Variants in NXPE2 observed in about 807,000 individuals in gnomAD.
NXPE2 encodes the protein NXPE family member 2.
NXPE2 carries 34 observed loss-of-function variants against 34.4 expected under a neutral mutation model. That is an observed-to-expected ratio of 0.99 (90% CI 0.75 to 1.31). The LOEUF (loss-of-function observed/expected upper bound fraction) is 1.31, where lower values mean the gene tolerates loss of function less well. NXPE2 is among the 40% of genes most tolerant of loss of function. The probability of loss-of-function intolerance (pLI) is 0.00; values close to 1 mark genes in which losing one functional copy is unlikely to be tolerated. For missense variants in NXPE2, 649 were observed against 672.5 expected (o/e 0.97, Z 0.39); for synonymous variants, 235 against 231.3 (o/e 1.02, Z -0.15).
chr11:114,615,569 C>G, the NXPE2 span, among the ~76,000 whole-genome samples: 1 of 150,730 alleles, frequency 6.6e-6, no homozygotes, highest in Admixed American at 6.6e-5. Flanking sequence ...TCGTGGGTAA[C>G]CACCTTTACC....
the NXPE2 span, among the ~76,000 whole-genome samples, chr11:114,609,499 T>C: frequency 2.6e-5 from 4 of 150,980 alleles, no homozygotes; most frequent in African/African-American, 9.7e-5. Flanking sequence ...CATTGTTACC[T>C]GGTGGATAAT....
At chr11:114,801,759 A>G in the NXPE2 span, among the ~76,000 whole-genome samples, 461 of 152,282 alleles carry the variant, frequency 3.0e-3, 16 homozygotes, top group Admixed American at 0.029. Context: ...GAGGTGCAAA[A>G]TAGGGACGAG....
the NXPE2 span, among the ~76,000 whole-genome samples, chr11:114,572,614 A>T: frequency 2.2e-3 from 341 of 152,304 alleles, 4 homozygotes; most frequent in African/African-American, 8.0e-3. Context: ...CAGAAAAAAG[A>T]ACCTCAGAGC....
the NXPE2 span, among the ~76,000 whole-genome samples, chr11:114,624,272 G>T: frequency 5.8e-3 from 883 of 152,026 alleles, 3 homozygotes; most frequent in African/African-American, 0.019. Context: ...AATAAATATT[G>T]CCTCGTGAGT....
the NXPE2 span, among the ~76,000 whole-genome samples, chr11:114,746,378 AC>A: frequency 6.6e-6 from 1 of 152,184 alleles, no homozygotes; most frequent in Non-Finnish European, 1.5e-5. Context: ...CTTTTAAAAC[AC>A]CTCGTAGAAG....
downstream of NXPE2, among the ~76,000 whole-genome samples, chr11:114,710,294 G>C (rs760770932): frequency 6.6e-6 from 1 of 151,798 alleles, no homozygotes. Flanking sequence ...CCATAGAAAA[G>C]ATCAAAAAAA....
At chr11:114,464,857 C>T in the NXPE2 span, among the ~76,000 whole-genome samples, 2 of 150,022 alleles carry the variant, frequency 1.3e-5, no homozygotes, top group African/African-American at 2.5e-5. Context: ...CAAAAAAAAA[C>T]GAAAAAAGAA....
the NXPE2 span, among the ~76,000 whole-genome samples, chr11:114,624,894 A>C: frequency 6.6e-6 from 1 of 152,062 alleles, no homozygotes; most frequent in Admixed American, 6.5e-5. Flanking sequence ...GTGGATAATA[A>C]GTGTGGCCTC....
chr11:114,738,835 T>C, the NXPE2 span, among the ~76,000 whole-genome samples: 9 of 152,230 alleles, frequency 5.9e-5, no homozygotes, highest in South Asian at 1.9e-3. Flanking sequence ...TGTTTTTTTT[T>C]CATATTTGGG....
chr11:114,522,560 A>G, the NXPE2 span: 11 of 1,389,236 alleles, frequency 7.9e-6, no homozygotes. Context: ...TATTCATGAA[A>G]AAGAATGTCC....
chr11:114,475,218 T>C, the NXPE2 span, among the ~76,000 whole-genome samples: 1 of 145,904 alleles, frequency 6.9e-6, no homozygotes, highest in African/African-American at 2.5e-5. Flanking sequence ...ATACATTTAA[T>C]GTGAACTGTT....
At chr11:114,764,295 A>G in the NXPE2 span, among the ~76,000 whole-genome samples, 2 of 152,200 alleles carry the variant, frequency 1.3e-5, no homozygotes, top group Non-Finnish European at 2.9e-5. Context: ...TATTGTGTTA[A>G]TATTAAATTA....
At chr11:114,574,453 A>C in the NXPE2 span, among the ~76,000 whole-genome samples, 1 of 152,104 alleles carries the variant, frequency 6.6e-6, no homozygotes, top group African/African-American at 2.4e-5. Flanking sequence ...TTGATAAACC[A>C]TTAGCAAGAT....
the NXPE2 span, among the ~76,000 whole-genome samples, chr11:114,476,166 G>A: frequency 6.6e-6 from 1 of 152,184 alleles, no homozygotes; most frequent in Non-Finnish European, 1.5e-5. Flanking sequence ...TGTGCACAGT[G>A]AGGACCACCT....
At chr11:114,746,820 C>A in the NXPE2 span, among the ~76,000 whole-genome samples, 1 of 150,948 alleles carries the variant, frequency 6.6e-6, no homozygotes, top group Non-Finnish European at 1.5e-5. Context: ...CACTGCACTC[C>A]AGCCTGGGCA....
In NXPE2 at chr11:114,698,168, G is replaced by A. The variant is rs749949067; in HGVS notation, c.256G>A (p.Asp86Asn). Residue 86 changes from aspartate (D) to asparagine (N), a missense_variant, in exon 3 of 6, where the codon GAC becomes AAC. Coordinates refer to ENST00000389586, the MANE Select transcript of NXPE2 (RefSeq NM_182495.6). ...AAAAGAGACTGAACTTAGAATAAAG[G>A]ACATTATGGAGAAACTAGACCAGCA... ...SPKETELRIK[D>N]IMEKLDQQIP... The A allele has an allele frequency of 6.2e-7, 1 of 1,614,132 alleles. No individual in the cohort carries two copies. Among genetic ancestry groups the A allele is most frequent in the Non-Finnish European group, 8.5e-7 (1 of 1,180,008 alleles).
At chr11:114,547,473 G>A in the NXPE2 span, among the ~76,000 whole-genome samples, 4 of 152,318 alleles carry the variant, frequency 2.6e-5, no homozygotes, top group African/African-American at 4.8e-5. Flanking sequence ...GGTGGCTCAC[G>A]CCTGTAATCC....
At chr11:114,801,226 C>G in the NXPE2 span, among the ~76,000 whole-genome samples, 1 of 151,962 alleles carries the variant, frequency 6.6e-6, no homozygotes, top group Non-Finnish European at 1.5e-5. Flanking sequence ...GATACTTAAC[C>G]TAGTATATAG....
chr11:114,781,318 C>G, the NXPE2 span, among the ~76,000 whole-genome samples: 1 of 152,168 alleles, frequency 6.6e-6, no homozygotes, highest in East Asian at 1.9e-4. Flanking sequence ...TTGCTTTTCC[C>G]AAGGACCCTT....
Sources: allele counts gnomAD v4.1 joint callset (sites outside exome capture counted in the v4.1 genomes callset), GRCh38; gene constraint gnomAD v4.1.1; transcripts MANE v1.5; gene names NCBI Gene and HGNC (gene_info 2026-07-23, HGNC 2026-07-21).